Variants in DNAH7 observed in about 807,000 individuals in gnomAD.
DNAH7 encodes axonemal beta dynein heavy chain 7.
A neutral mutation model predicts 444.6 loss-of-function variants in DNAH7; 397 were observed. That is an observed-to-expected ratio of 0.89 (90% CI 0.82 to 0.97). DNAH7 has a LOEUF of 0.97. Ranked by LOEUF, DNAH7 falls within the 50% of genes least tolerant of loss-of-function variation. The probability of loss-of-function intolerance (pLI) is 0.00; values close to 1 mark genes in which losing one functional copy is unlikely to be tolerated. For missense variants in DNAH7, 4,902 were observed against 4,800.8 expected (o/e 1.02, Z -0.62); for synonymous variants, 1,636 against 1,624.4 (o/e 1.01, Z -0.17).
chr2:195,900,139 C>T (rs1056293434), intron 28 of DNAH7, 143 bp downstream of exon 28: 2 of 838,970 alleles, frequency 2.4e-6, no homozygotes, highest in East Asian at 5.3e-5. Context: ...TTCATGTGTA[C>T]AAGATAATAC....
chr2:195,752,220 G>A (rs77278452), intron 63 of DNAH7, among the ~76,000 whole-genome samples: 8,031 of 150,962 alleles, frequency 0.053, 282 homozygotes, highest in African/African-American at 0.091. Flanking sequence ...GCAGTAAGTC[G>A]AGATCATGCC....
intron 2 of DNAH7, 63 bp from the exon 3 acceptor site, chr2:196,051,312 G>C (rs73987683): frequency 1.9e-5 from 25 of 1,291,938 alleles, no homozygotes; most frequent in Non-Finnish European, 2.7e-5. Flanking sequence ...TTGATTCACT[G>C]AACCAAATTT....
chr2:195,765,519 C>T (rs1040836845), intron 61 of DNAH7, among the ~76,000 whole-genome samples: 1 of 152,140 alleles, frequency 6.6e-6, no homozygotes, highest in African/African-American at 2.4e-5. Context: ...GATGGTCAAA[C>T]AACTCTGTAG....
intron 46 of DNAH7, among the ~76,000 whole-genome samples, chr2:195,848,139 G>A (rs1022264250): frequency 6.6e-6 from 1 of 152,236 alleles, no homozygotes; most frequent in Non-Finnish European, 1.5e-5. Flanking sequence ...CGCTGGCTGA[G>A]AGGCCACGCT....
At chr2:195,809,500 T>C (rs956169018) in intron 52 of DNAH7, among the ~76,000 whole-genome samples, 6 of 152,192 alleles carry the variant, frequency 3.9e-5, no homozygotes, top group Non-Finnish European at 7.4e-5. Flanking sequence ...TATGAAAATC[T>C]AATATAATCA....
At chr2:195,952,433 C>T (rs1265479756) in intron 19 of DNAH7, among the ~76,000 whole-genome samples, 1 of 152,066 alleles carries the variant, frequency 6.6e-6, no homozygotes, top group Non-Finnish European at 1.5e-5. Context: ...AGGAGTATCT[C>T]TGTGGTGTTC....
intron 5 of DNAH7, among the ~76,000 whole-genome samples, chr2:196,032,575 T>G (rs1012605435): frequency 6.6e-6 from 1 of 152,102 alleles, no homozygotes; most frequent in Non-Finnish European, 1.5e-5. Context: ...TATGACCCAA[T>G]CAACAACAGA....
chr2:195,990,350 C>T (rs1693216139), intron 12 of DNAH7, among the ~76,000 whole-genome samples: 1 of 152,096 alleles, frequency 6.6e-6, no homozygotes, highest in Non-Finnish European at 1.5e-5. Flanking sequence ...CCAATGTATG[C>T]TCTTGGTGCC....
At chr2:195,783,991 C>T (rs1292753103) in intron 58 of DNAH7, among the ~76,000 whole-genome samples, 3 of 151,954 alleles carry the variant, frequency 2.0e-5, no homozygotes, top group African/African-American at 7.3e-5. Context: ...TGGGGATTTC[C>T]CACATATTCC....
At position 195,864,480 on chromosome 2, in the gene DNAH7, A is replaced by T. The variant is rs1313660485; in HGVS notation, c.7175T>A (p.Met2392Lys). The T allele has an allele frequency of 6.2e-7, 1 of 1,614,112 alleles. No homozygotes were observed. Among genetic ancestry groups the T allele is most frequent in the Non-Finnish European group, 8.5e-7 (1 of 1,180,052 alleles). Reference protein sequence around the residue: ...VILRKCAEGEMQGVFLFTDTQ... With the variant: ...VILRKCAEGEKQGVFLFTDTQ... ...ATCTGTAAACAGGAAGACACCCTGC[A>T]TCTCACCTTCCGCACATTTCCTTAA... Residue 2392 changes from methionine to lysine, a missense_variant, in exon 41 of 65, where the codon ATG (methionine) becomes AAG (lysine). Transcript: ENST00000312428.
At position 195,969,964 on chromosome 2, in the gene DNAH7, T is replaced by C. The variant is rs376139147; in HGVS notation, c.2189A>G (p.Asp730Gly). Reference sequence around the variant, plus strand: ...GAATTATACCTTATCTGCAGCTAAATCCAACTTTCCATTCAGTATTTGAGC... The same window carrying C: ...GAATTATACCTTATCTGCAGCTAAACCCAACTTTCCATTCAGTATTTGAGC... ...KKAQILNGKL[D>G]LAADKIEQFN... The change falls in exon 17 of 65, where the codon GAT (aspartate) becomes GGT (glycine). Residue 730 changes from aspartate (D) to glycine (G), a missense_variant. By Grantham distance (94) the Asp-to-Gly change is moderately conservative (BLOSUM62 -1). Coordinates refer to ENST00000312428, the MANE Select transcript of DNAH7 (RefSeq NM_018897.3). 1.2e-4 allele frequency: 195 copies of C among 1,606,160 alleles called. No individual in the cohort carries two copies. Among genetic ancestry groups the C allele is most frequent in the Non-Finnish European group, 1.6e-4 (185 of 1,178,138 alleles).
At chr2:195,794,744 T>C (rs2105990814) in intron 56 of DNAH7, among the ~76,000 whole-genome samples, 1 of 152,350 alleles carries the variant, frequency 6.6e-6, no homozygotes, top group South Asian at 2.1e-4. Flanking sequence ...GGTGTTGTCA[T>C]TCTCCTTGGT....
intron 51 of DNAH7, among the ~76,000 whole-genome samples, chr2:195,814,757 G>C (rs1320319260): frequency 6.7e-6 from 1 of 149,900 alleles, no homozygotes; most frequent in African/African-American, 2.5e-5. Context: ...TTTTTCTTTT[G>C]GAGATGGGGT....
chr2:196,018,621 A>G (rs762831727), intron 9 of DNAH7, among the ~76,000 whole-genome samples: 75 of 152,166 alleles, frequency 4.9e-4, no homozygotes, highest in Non-Finnish European at 5.9e-4. Flanking sequence ...AAACAAATAA[A>G]GCAGAAATTC....
In DNAH7 at chr2:196,012,813, G is replaced by C; in HGVS notation, c.963C>G (p.Asp321Glu). Reference sequence around the variant, plus strand: ...TTTTAAGTAGAGTCTCTTTGGCAGAGTCCATGTGTCTCATGATAATGTTCT... The same window carrying C: ...TTTTAAGTAGAGTCTCTTTGGCAGACTCCATGTGTCTCATGATAATGTTCT... Reference protein sequence around the residue: ...SFQNIIMRHMDSAKETLLKMW... With the variant: ...SFQNIIMRHMESAKETLLKMW... The change falls in exon 10 of 65, where the codon GAC (aspartate) becomes GAG (glutamate). Residue 321 changes from aspartate (D) to glutamate (E), a missense_variant. Asp to Glu is a conservative substitution (Grantham distance 45). Coordinates refer to ENST00000312428, the MANE Select transcript of DNAH7 (RefSeq NM_018897.3). 1 of 1,593,426 alleles carries C rather than the reference G, an allele frequency of 6.3e-7. No individual in the cohort carries two copies. The highest frequency in any genetic ancestry group is 8.5e-7 in the Non-Finnish European group (1 of 1,171,082).
chr2:196,005,634 A>C (rs975128210), intron 10 of DNAH7, among the ~76,000 whole-genome samples: 2 of 152,122 alleles, frequency 1.3e-5, no homozygotes, highest in Non-Finnish European at 2.9e-5. Context: ...AATTCTATGA[A>C]GACAAAAACT....
intron 29 of DNAH7, among the ~76,000 whole-genome samples, 194 bp from the exon 30 acceptor site, chr2:195,895,418 T>C (rs1164352280): frequency 6.6e-6 from 1 of 152,190 alleles, no homozygotes; most frequent in Non-Finnish European, 1.5e-5. Flanking sequence ...ATCCTTATGA[T>C]GTTCGTTTTG....
At chr2:195,892,630 G>A (rs1026805099) in intron 30 of DNAH7, 3 of 151,908 alleles carry the variant, frequency 2.0e-5, no homozygotes, top group Non-Finnish European at 4.4e-5. Flanking sequence ...ACATTGTTAT[G>A]GCTGATGAAT....
intron 19 of DNAH7, among the ~76,000 whole-genome samples, chr2:195,956,874 G>A (rs1690701415): frequency 6.6e-6 from 1 of 152,008 alleles, no homozygotes; most frequent in African/African-American, 2.4e-5. Flanking sequence ...CATGTGTTGA[G>A]AGGTTGGCAT....
Sources: gnomAD v4.1 joint callset for allele counts (sites outside exome capture counted in the v4.1 genomes callset) on GRCh38, gnomAD v4.1.1 for gene constraint, MANE v1.5 for transcripts, NCBI Gene and HGNC (gene_info 2026-07-23, HGNC 2026-07-21) for gene names.